CD6: variants seen among roughly 807,000 people sequenced by gnomAD.
CD6 encodes CD6 molecule.
In CD6, 53 loss-of-function variants were observed where a neutral mutation model predicts 75.3. The observed-to-expected ratio is 0.70, with a 90% confidence interval of 0.56 to 0.88. CD6 has a LOEUF of 0.88. Among genes scored for constraint, CD6 ranks in the 40% least tolerant of loss-of-function variants. The pLI, the probability that CD6 is intolerant of heterozygous loss-of-function variation, is 0.00. For synonymous variants in CD6, 359 were observed against 381.5 expected (o/e 0.94, Z 0.69); for missense variants, 770 against 897.1 (o/e 0.86, Z 1.81).
chr11:60,973,090 T>C (rs1231270954), intron 1 of CD6, among the ~76,000 whole-genome samples: 1 of 152,198 alleles, frequency 6.6e-6, no homozygotes, highest in Non-Finnish European at 1.5e-5. Flanking sequence ...CTCTTCCCCA[T>C]GAAGCCCAGC....
rs1172017061 is a variant in CD6, at chr11:61,013,539, C to T, written c.1267C>T (p.Leu423Phe). 1 of 1,614,116 alleles carries T rather than the reference C, an allele frequency of 6.2e-7. No individual in the cohort carries two copies. Among genetic ancestry groups the T allele is most frequent in the South Asian group, 1.1e-5 (1 of 91,072 alleles). Residue 423 changes from leucine (L) to phenylalanine (F), a missense_variant, in exon 7 of 13, where the codon CTC (leucine) becomes TTC (phenylalanine). Coordinates refer to ENST00000313421, the MANE Select transcript of CD6 (RefSeq NM_006725.5). The stretch of plus-strand genomic sequence containing the variant: ...CTCCCTCATCTTCATAGCCTTCATC[C>T]TCTTGAGAATTAAAGGAAAATATGG... ...LGSLIFIAFILLRIKGKYALP... is the reference protein window; with the variant it reads ...LGSLIFIAFIFLRIKGKYALP...
chr11:60,971,792 C>T lies in CD6; in HGVS notation c.-74C>T, dbSNP rs1009736340. ...ACCTGCGCCAGGGGCGCACAACGGC[C>T]GTGTCCACCTCCCGGCCCCAAGATG... On this transcript the variant is annotated 5_prime_UTR_variant, in exon 1 of 13. Coordinates refer to ENST00000313421, the MANE Select transcript of CD6 (RefSeq NM_006725.5). The T allele has an allele frequency of 8.1e-6, 12 of 1,483,788 alleles. No individual in the cohort carries two copies. The highest frequency in any genetic ancestry group is 1.7e-4 in the Middle Eastern group (1 of 5,800). 91.9% of individuals were successfully genotyped at this position (1,483,788 alleles called of 1,614,324 possible). A position where few individuals can be genotyped will look rare whatever the true frequency, so the allele number is the denominator to read the frequency against.
intron 1 of CD6, among the ~76,000 whole-genome samples, chr11:60,972,791 G>C (rs961801545): frequency 6.6e-6 from 1 of 152,192 alleles, no homozygotes; most frequent in South Asian, 2.1e-4. Flanking sequence ...GACCCAGTCA[G>C]GAGGGGGCAT....
Position 61,018,346 on chromosome 11 carries a change from T to C in CD6, c.1895T>C (p.Phe632Ser), listed in dbSNP as rs1444796946. 4 of 1,607,758 alleles carry C rather than the reference T, an allele frequency of 2.5e-6. No individual in the cohort carries two copies. In the African/African-American group the frequency reaches 4.0e-5, roughly 16 times the overall value. Residue 632 changes from phenylalanine (F) to serine (S), a missense_variant, in exon 12 of 13, where the codon TTC (phenylalanine) becomes TCC (serine). Physicochemically the swap from Phe to Ser is radical, Grantham distance 155. Transcript: ENST00000313421. The part of the protein sequence containing the change: ...STSSGEWYQN[F>S]QPPPQPPSEE... ...TCATCCGGGGAGTGGTACCAGAACT[T>C]CCAGCCACCACCCCAGCCCCCTTCG...
intron 1 of CD6, among the ~76,000 whole-genome samples, chr11:60,998,158 A>G (rs1858395941): frequency 6.6e-6 from 1 of 152,236 alleles, no homozygotes; most frequent in African/African-American, 2.4e-5. Flanking sequence ...TGCTTTGATT[A>G]CTGACCAGCT....
intron 8 of CD6, among the ~76,000 whole-genome samples, chr11:61,014,930 C>A (rs1213708667): frequency 6.6e-6 from 1 of 151,984 alleles, no homozygotes; most frequent in Admixed American, 6.6e-5. Context: ...ACAGAGAGTC[C>A]ATATATATGA....
chr11:61,005,349 C>T (rs899050105), intron 1 of CD6, among the ~76,000 whole-genome samples: 4 of 152,154 alleles, frequency 2.6e-5, no homozygotes, highest in Admixed American at 6.5e-5. Context: ...ACAGCCTACC[C>T]GAGGGACCTC....
intron 1 of CD6, among the ~76,000 whole-genome samples, chr11:60,986,071 G>C (rs1407460409): frequency 6.6e-6 from 1 of 152,200 alleles, no homozygotes; most frequent in Admixed American, 6.5e-5. Flanking sequence ...ACTTACCCAA[G>C]GTCCTGGTAA....
At chr11:60,975,372 T>G (rs1443602834) in intron 1 of CD6, among the ~76,000 whole-genome samples, 1 of 152,102 alleles carries the variant, frequency 6.6e-6, no homozygotes, top group Non-Finnish European at 1.5e-5. Flanking sequence ...TGAAGATGAG[T>G]TTCAAGAAAG....
rs368107519 is a variant in CD6, at chr11:61,015,849, C to T, written c.1510+14C>T. On this transcript the variant is annotated intron_variant, in intron 9 of 12. Coordinates refer to ENST00000313421, the MANE Select transcript of CD6 (RefSeq NM_006725.5). ...CCACCTTCTACAGTGAGTGCCTGGC[C>T]GGGCTCCCGAGGGCCCACCTACCTG... The T allele has an allele frequency of 5.9e-4, 946 of 1,613,500 alleles. No individual in the cohort carries two copies. Among genetic ancestry groups the T allele is most frequent in the Non-Finnish European group, 7.6e-4 (896 of 1,179,834 alleles).
intron 1 of CD6, among the ~76,000 whole-genome samples, chr11:60,974,670 G>C (rs1857302982): frequency 6.6e-6 from 1 of 152,196 alleles, no homozygotes; most frequent in Admixed American, 6.5e-5. Context: ...CAAGCCTCCA[G>C]TTCTCCGCCT....
In CD6 at chr11:61,008,530, C is replaced by G. The variant is rs1049437100; in HGVS notation, c.470-4C>G. 4 of 1,588,774 alleles carry G rather than the reference C, an allele frequency of 2.5e-6. No homozygotes were observed. The highest frequency in any genetic ancestry group is 3.4e-6 in the Non-Finnish European group (4 of 1,167,092). On this transcript the variant is annotated splice_region_variant and splice_polypyrimidine_tract_variant and intron_variant, in intron 3 of 12. Coordinates refer to ENST00000313421, the MANE Select transcript of CD6 (RefSeq NM_006725.5). ...CAGCATCCACAACCCCCTCCCACCC[C>G]TAGAGAACCGCGCGCTGCGCCTGGT...
At chr11:61,003,721 G>A (rs868469960) in intron 1 of CD6, among the ~76,000 whole-genome samples, 28 of 152,314 alleles carry the variant, frequency 1.8e-4, no homozygotes, top group Middle Eastern at 3.4e-3. Flanking sequence ...GCGACAGAGC[G>A]AGACACTGTC....
chr11:60,997,378 CA>C lies in CD6; in HGVS notation c.50-9182del, dbSNP rs761587409. On this transcript the variant is annotated intron_variant, in intron 1 of 12. Coordinates refer to ENST00000313421, the MANE Select transcript of CD6 (RefSeq NM_006725.5). ...TGGGTGATAGGGCGAGACTCCGTCT[CA>C]AAAAAAAAAAAAATAAAATAAAATA... Among the ~76,000 whole-genome samples, 672 of 79,640 alleles carry C rather than the reference CA, an allele frequency of 8.4e-3. 3 individuals carry two copies. The highest frequency in any genetic ancestry group is 0.02 in the Middle Eastern group (2 of 102). The allele number at this position is 79,640 out of a possible 152,430, so 52.2% of individuals were successfully genotyped here.
intron 1 of CD6, among the ~76,000 whole-genome samples, chr11:61,004,976 G>C (rs1858780054): frequency 6.6e-6 from 1 of 152,156 alleles, no homozygotes; most frequent in South Asian, 2.1e-4. Context: ...GAAATGCAGA[G>C]GAGTTCATAG....
intron 1 of CD6, among the ~76,000 whole-genome samples, chr11:60,974,721 G>A (rs1451725910): frequency 6.6e-6 from 1 of 152,210 alleles, no homozygotes; most frequent in Non-Finnish European, 1.5e-5. Flanking sequence ...GGAACAGAGA[G>A]AATGAATTAG....
At chr11:60,981,265 G>C (rs1309445558) in intron 1 of CD6, among the ~76,000 whole-genome samples, 2 of 152,208 alleles carry the variant, frequency 1.3e-5, no homozygotes, top group Non-Finnish European at 2.9e-5. Flanking sequence ...CAGGCTCAGA[G>C]AGATAAAGTG....
At chr11:60,981,674 G>T (rs1857563327) in intron 1 of CD6, among the ~76,000 whole-genome samples, 1 of 152,224 alleles carries the variant, frequency 6.6e-6, no homozygotes, top group South Asian at 2.1e-4. Context: ...CTCCGACTGG[G>T]ACCGGGCAGG....
intron 1 of CD6, among the ~76,000 whole-genome samples, chr11:61,002,245 A>T (rs4939483): frequency 0.033 from 5,034 of 152,236 alleles, 297 homozygotes; most frequent in East Asian, 0.24. Flanking sequence ...TGTTTCTAAC[A>T]TTTTGCCATT....
Sources: allele counts gnomAD v4.1 joint callset (sites outside exome capture counted in the v4.1 genomes callset), GRCh38; gene constraint gnomAD v4.1.1; transcripts MANE v1.5; gene names NCBI Gene and HGNC (gene_info 2026-07-23, HGNC 2026-07-21).